Variants in RP2 observed in about 807,000 individuals in gnomAD.
RP2 encodes the protein protein XRP2.
RP2 carries 3 observed loss-of-function variants against 20.3 expected under a neutral mutation model. That is an observed-to-expected ratio of 0.15 (90% CI 0.07 to 0.38). The LOEUF is 0.38. Ranked by LOEUF, RP2 falls within the 10% of genes least tolerant of loss-of-function variation. The pLI, the probability that RP2 is intolerant of heterozygous loss-of-function variation, is 1.00. For synonymous variants in RP2, 75 were observed against 94.8 expected, an observed-to-expected ratio of 0.79 and a Z score of 1.22; for missense variants, 233 against 268.5, an observed-to-expected ratio of 0.87 and a Z score of 0.92.
At chrX:46,839,807 G>T (rs1367272745) in intron 1 of RP2, among the ~76,000 whole-genome samples, 1 of 111,867 alleles carries the variant, frequency 8.9e-6, no homozygotes, top group East Asian at 2.8e-4. Context: ...CTTCTGGAAT[G>T]TGGTTATGGA....
chrX:46,861,021 T>C (rs950649075), intron 3 of RP2, among the ~76,000 whole-genome samples: 9 of 112,206 alleles, frequency 8.0e-5, no homozygotes, highest in Middle Eastern at 9.1e-3. Flanking sequence ...AAGGACTTGC[T>C]GTGACCCACT....
At chrX:46,856,135 T>C (rs1401771395) in intron 2 of RP2, among the ~76,000 whole-genome samples, 1 of 111,721 alleles carries the variant, frequency 9.0e-6, no homozygotes, top group Non-Finnish European at 1.9e-5. Flanking sequence ...GTATGGTGAT[T>C]TAAAAAAAAA....
chrX:46,840,597 G>T (rs1556314701), intron 1 of RP2, among the ~76,000 whole-genome samples: 2 of 112,275 alleles, frequency 1.8e-5, no homozygotes, highest in Non-Finnish European at 3.8e-5. Flanking sequence ...CCACCCATAG[G>T]TAGGCAAATT....
intron 2 of RP2, among the ~76,000 whole-genome samples, chrX:46,856,306 T>C (rs782635981): frequency 1.8e-5 from 2 of 111,832 alleles, no homozygotes; most frequent in African/African-American, 6.5e-5. Context: ...TAACCTTTGG[T>C]ATCTGGTATG....
At chrX:46,847,899 CAT>C (rs1444863041) in intron 1 of RP2, among the ~76,000 whole-genome samples, 2 of 80,101 alleles carry the variant, frequency 2.5e-5, no homozygotes, top group Non-Finnish European at 4.7e-5. Flanking sequence ...TGCGTATATA[CAT>C]ATATATGGAC....
chrX:46,880,946 G>C lies in RP2; in HGVS notation c.*1177G>C, dbSNP rs1202244708. On this transcript the variant is annotated 3_prime_UTR_variant, in exon 5 of 5. Coordinates refer to ENST00000218340, the MANE Select transcript of RP2 (RefSeq NM_006915.3). ...GTCAATAGGTTGAACTTGTGAGAAG[G>C]CACTGAATCTGCCATCCACATCACA... 1.8e-5 allele frequency: 2 copies of C among 111,496 alleles called. No individual in the cohort carries two copies. The highest frequency in any genetic ancestry group is 1.9e-5 in the Non-Finnish European group (1 of 53,114). 9.2% of individuals were successfully genotyped at this position (111,496 alleles called of 1,213,427 possible).
intron 1 of RP2, among the ~76,000 whole-genome samples, chrX:46,846,394 C>T (rs1279008312): frequency 9.1e-6 from 1 of 110,127 alleles, no homozygotes; most frequent in Non-Finnish European, 1.9e-5. Context: ...TCAAGACCCG[C>T]TTGGGCAACA....
At chrX:46,848,170 G>T (rs1924791236) in intron 1 of RP2, among the ~76,000 whole-genome samples, 1 of 107,815 alleles carries the variant, frequency 9.3e-6, no homozygotes, top group African/African-American at 3.4e-5. Context: ...GATTTTCATT[G>T]GAATTAACAA....
At chrX:46,874,825 GT>G (rs1234650461) in intron 3 of RP2, among the ~76,000 whole-genome samples, 84 of 101,328 alleles carry the variant, frequency 8.3e-4, no homozygotes, top group African/African-American at 1.5e-3. Flanking sequence ...ACTGTATTTG[GT>G]TTTTTTTTTT....
At chrX:46,856,245 A>G (rs192881727) in intron 2 of RP2, among the ~76,000 whole-genome samples, 28 of 112,048 alleles carry the variant, frequency 2.5e-4, no homozygotes, top group Middle Eastern at 4.6e-3. Context: ...TTTAAAGAAA[A>G]AGCCATCAAA....
intron 1 of RP2, among the ~76,000 whole-genome samples, chrX:46,839,790 GT>G (rs1924584212): frequency 9.0e-6 from 1 of 111,544 alleles, no homozygotes; most frequent in African/African-American, 3.3e-5. Flanking sequence ...TATATTAAAA[GT>G]TTAGGCTTCT....
intron 3 of RP2, among the ~76,000 whole-genome samples, chrX:46,863,748 T>C (rs1407597081): frequency 9.0e-6 from 1 of 111,033 alleles, no homozygotes; most frequent in Non-Finnish European, 1.9e-5. Context: ...TCCCCAGGGG[T>C]GTGGGAGGGA....
chrX:46,847,323 CCTTCT>C (rs1309586260), intron 1 of RP2, among the ~76,000 whole-genome samples: 1 of 110,755 alleles, frequency 9.0e-6, no homozygotes, highest in African/African-American at 3.3e-5. Context: ...TAATAACTTG[CCTTCT>C]CTTAAGAGTG....
chrX:46,858,233 CT>C (rs1477923963), intron 2 of RP2, among the ~76,000 whole-genome samples: 94 of 111,065 alleles, frequency 8.5e-4, no homozygotes, highest in African/African-American at 2.9e-3. Context: ...GCAGGGTTTT[CT>C]TTTTTTGTAG....
rs374743004 is a variant in RP2, at chrX:46,853,658, C to G, written c.285C>G (p.Pro95=). 30 of 1,209,955 alleles carry G rather than the reference C, an allele frequency of 2.5e-5. No individual in the cohort carries two copies. The highest frequency in any genetic ancestry group is 2.4e-4 in the Admixed American group (11 of 45,688). The change falls in exon 2 of 5, where the codon CCC becomes CCG. Residue 95 remains proline (P), a synonymous_variant. Transcript: ENST00000218340. ...DCTNCIIFLG[P]VKGSVFFRNC... is the part of the protein sequence containing the mutation. ...CTAACTGCATAATTTTTCTGGGACC[C>G]GTGAAAGGCAGCGTGTTTTTCCGGA... is the stretch of plus-strand genomic sequence containing the variant.
chrX:46,854,103 G>T lies in RP2; in HGVS notation c.730G>T (p.Asp244Tyr). ...ESCLVVLFAG[D>Y]YTIANARKLI... ...ATGCTTAGTGGTATTATTTGCTGGTGATTACACTATTGCAAATGCCAGAAA... is the reference window on the plus strand; with the variant it reads ...ATGCTTAGTGGTATTATTTGCTGGTTATTACACTATTGCAAATGCCAGAAA... The change falls in exon 2 of 5, where the codon GAT becomes TAT. Residue 244 changes from aspartate (D) to tyrosine (Y), a missense_variant. By Grantham distance (160) the Asp-to-Tyr change is radical. This residue lies in a region of RP2 where 118 missense variants were observed against 123.8 expected (regional missense o/e 0.95). Transcript: ENST00000218340. The T allele has an allele frequency of 8.3e-7, 1 of 1,211,666 alleles. No homozygotes were observed. The highest frequency in any genetic ancestry group is 1.1e-6 in the Non-Finnish European group (1 of 895,326).
intron 3 of RP2, among the ~76,000 whole-genome samples, chrX:46,868,513 A>C (rs782294744): frequency 1.4e-3 from 152 of 110,808 alleles, no homozygotes; most frequent in Non-Finnish European, 2.2e-3. Flanking sequence ...GGCCGGGCGC[A>C]GTGGCTCACA....
intron 3 of RP2, among the ~76,000 whole-genome samples, chrX:46,874,054 T>C (rs1925333997): frequency 1.8e-5 from 2 of 111,437 alleles, no homozygotes; most frequent in African/African-American, 6.5e-5. Context: ...AACTACTGAG[T>C]TGCAAATCTA....
At chrX:46,849,602 C>A (rs1310000409) in intron 1 of RP2, among the ~76,000 whole-genome samples, 2 of 111,656 alleles carry the variant, frequency 1.8e-5, no homozygotes, top group African/African-American at 6.5e-5. Context: ...AGTACAGCAA[C>A]ATAAATCTTA....
Sources: gnomAD v4.1 joint callset for allele counts (sites outside exome capture counted in the v4.1 genomes callset) on GRCh38, gnomAD v4.1.1 for gene constraint, gnomAD v4.1.1 regional missense constraint, MANE v1.5 for transcripts, NCBI Gene and HGNC (gene_info 2026-07-23, HGNC 2026-07-21) for gene names.